Variants in ELOVL7 observed in about 807,000 individuals in gnomAD.
The protein encoded by ELOVL7 is very long chain fatty acid elongase 7.
ELOVL7 carries 27 observed loss-of-function variants against 35.7 expected under a neutral mutation model. That is an observed-to-expected ratio of 0.76 (90% CI 0.56 to 1.04). The LOEUF is 1.04. Ranked by LOEUF, ELOVL7 falls within the 50% of genes least tolerant of loss-of-function variation. ELOVL7 has a pLI of 0.00. For missense variants in ELOVL7, 327 were observed against 340.8 expected (o/e 0.96, Z 0.32); for synonymous variants, 113 against 114.6 (o/e 0.99, Z 0.09).
At position 60,764,343 on chromosome 5, in the gene ELOVL7, T is replaced by A; in HGVS notation, c.394-11A>T. The A allele has an allele frequency of 6.3e-7, 1 of 1,580,982 alleles. No individual in the cohort carries two copies. The highest frequency in any genetic ancestry group is 8.7e-7 in the Non-Finnish European group (1 of 1,150,668). On this transcript the variant is annotated splice_polypyrimidine_tract_variant and intron_variant, in intron 6 of 8. Coordinates refer to ENST00000508821, the MANE Select transcript of ELOVL7 (RefSeq NM_024930.3). Reference sequence around the variant, plus strand: ...CAGAACAAAAAAGATCTGAAATAATTTAAAGAATATCAAGTTCACAGAAAA... The same window carrying A: ...CAGAACAAAAAAGATCTGAAATAATATAAAGAATATCAAGTTCACAGAAAA...
chr5:60,757,785 T>C lies in ELOVL7; in HGVS notation c.500-140A>G, dbSNP rs573680843. ...AAATATCAATCCTGTTAAACAACTA[T>C]CAAATTAGAGGGGGCTGGATAGTAT... On this transcript the variant is annotated intron_variant, in intron 7 of 8. Transcript: ENST00000508821. The C allele has an allele frequency of 1.3e-4, 86 of 657,918 alleles. 3 individuals carry two copies. The South Asian group carries it at 2.9e-3, about 23-fold the overall frequency. The allele number at this position is 657,918 out of a possible 1,614,324, so 40.8% of individuals were successfully genotyped here.
chr5:60,802,145 A>G (rs1442594359), intron 1 of ELOVL7, among the ~76,000 whole-genome samples: 2 of 133,480 alleles, frequency 1.5e-5, no homozygotes, highest in African/African-American at 5.8e-5. Flanking sequence ...CATATATCCT[A>G]TTGGTTCTGT....
chr5:60,753,389 T>C lies in ELOVL7; in HGVS notation c.*1235A>G, dbSNP rs1265554786. 4 of 152,176 alleles carry C rather than the reference T, an allele frequency of 2.6e-5. No homozygotes were observed. The highest frequency in any genetic ancestry group is 4.4e-5 in the Non-Finnish European group (3 of 68,024). 9.4% of individuals were successfully genotyped at this position (152,176 alleles called of 1,614,324 possible). On this transcript the variant is annotated 3_prime_UTR_variant, in exon 9 of 9. Coordinates refer to ENST00000508821, the MANE Select transcript of ELOVL7 (RefSeq NM_024930.3). ...AATTTCAGTCCTTCATTACATGGTT[T>C]ATAGGTCTGGAAACAGAAATCCAGG...
At chr5:60,786,986 CT>C (rs1181314026) in intron 3 of ELOVL7, among the ~76,000 whole-genome samples, 1 of 151,728 alleles carries the variant, frequency 6.6e-6, no homozygotes, top group Non-Finnish European at 1.5e-5. Context: ...TTGGCATTAA[CT>C]GTAATTTCCC....
At chr5:60,843,101 C>A (rs1268241891) in intron 1 of ELOVL7, among the ~76,000 whole-genome samples, 1 of 151,982 alleles carries the variant, frequency 6.6e-6, no homozygotes, top group Non-Finnish European at 1.5e-5. Flanking sequence ...AAAGGGTAAT[C>A]CGAGAGCACA....
chr5:60,800,427 C>T (rs1744536593), intron 1 of ELOVL7, among the ~76,000 whole-genome samples: 1 of 152,120 alleles, frequency 6.6e-6, no homozygotes, highest in Admixed American at 6.5e-5. Flanking sequence ...TGACAAAATT[C>T]AGCATCCTTT....
chr5:60,840,419 T>A (rs2112416309), intron 1 of ELOVL7, among the ~76,000 whole-genome samples: 1 of 152,252 alleles, frequency 6.6e-6, no homozygotes, highest in Non-Finnish European at 1.5e-5. Context: ...ATATCAGAGA[T>A]TGCTGCTGTC....
rs187751463 is a variant in ELOVL7, at chr5:60,798,550, T to C, written c.-35+630A>G. Among the ~76,000 whole-genome samples the C allele has an allele frequency of 7.2e-5, 11 of 152,054 alleles. No individual in the cohort carries two copies. The East Asian group carries it at 1.5e-3, about 21-fold the overall frequency. ...AAAGTTTGAAATAAAAATAAAGCTGTAAAAAAAATTATTTTCTTATATCAG... is the reference window on the plus strand; with the variant it reads ...AAAGTTTGAAATAAAAATAAAGCTGCAAAAAAAATTATTTTCTTATATCAG... On this transcript the variant is annotated intron_variant, in intron 2 of 8. Transcript: ENST00000508821.
At chr5:60,812,617 T>C (rs1205048272) in intron 1 of ELOVL7, among the ~76,000 whole-genome samples, 1 of 152,238 alleles carries the variant, frequency 6.6e-6, no homozygotes, top group Non-Finnish European at 1.5e-5. Context: ...GTATTCCTCA[T>C]GGAAGGTGTG....
chr5:60,817,707 T>TATATATACACACACC (rs1745604253), intron 1 of ELOVL7, among the ~76,000 whole-genome samples: 1 of 146,848 alleles, frequency 6.8e-6, no homozygotes, highest in Non-Finnish European at 1.5e-5. Context: ...ACACACACCA[T>TATATATACACACACC]ATATATACAC....
At chr5:60,776,086 G>C (rs1742885497) in intron 3 of ELOVL7, among the ~76,000 whole-genome samples, 1 of 152,014 alleles carries the variant, frequency 6.6e-6, no homozygotes, top group Non-Finnish European at 1.5e-5. Context: ...CATCCAACAG[G>C]ACTAATATCC....
At position 60,770,170 on chromosome 5, in the gene ELOVL7, A is replaced by T. The variant is rs146402115; in HGVS notation, c.255+1733T>A. Among the ~76,000 whole-genome samples the T allele has an allele frequency of 2.6e-5, 4 of 152,332 alleles. No homozygotes were observed. In the East Asian group the frequency reaches 5.8e-4, roughly 22 times the overall value. On this transcript the variant is annotated intron_variant, in intron 4 of 8. Coordinates refer to ENST00000508821, the MANE Select transcript of ELOVL7 (RefSeq NM_024930.3). ...TATTAGCAGTAAATGAGAGTCAGAA[A>T]CTCTCAAATTCAGATATTTTAAAAT...
chr5:60,836,356 T>A (rs1746798749), intron 1 of ELOVL7, among the ~76,000 whole-genome samples: 1 of 152,024 alleles, frequency 6.6e-6, no homozygotes, highest in Admixed American at 6.5e-5. Flanking sequence ...TTCTATCTTC[T>A]TTCTTTCTTC....
rs143932743 is a variant in ELOVL7, at chr5:60,772,157, C to T, written c.65-64G>A. 3.8e-5 allele frequency: 42 copies of T among 1,091,484 alleles called. No individual in the cohort carries two copies. The African/African-American group carries it at 6.3e-4, about 16-fold the overall frequency. The allele number at this position is 1,091,484 out of a possible 1,614,324, so 67.6% of individuals were successfully genotyped here. ...CCAAGGGGTAACTAACAGCAACCAA[C>T]ATTTCTTTAACTGAGCACCCAGATC... On this transcript the variant is annotated intron_variant, in intron 3 of 8. Coordinates refer to ENST00000508821, the MANE Select transcript of ELOVL7 (RefSeq NM_024930.3).
intron 1 of ELOVL7, among the ~76,000 whole-genome samples, chr5:60,835,484 TC>T (rs1286007038): frequency 6.6e-6 from 1 of 151,952 alleles, no homozygotes; most frequent in Non-Finnish European, 1.5e-5. Flanking sequence ...CAATCACAGC[TC>T]ACTACAGCCT....
Position 60,752,955 on chromosome 5 carries a change from T to A in ELOVL7, c.*1669A>T, listed in dbSNP as rs909973723. On this transcript the variant is annotated 3_prime_UTR_variant, in exon 9 of 9. Coordinates refer to ENST00000508821, the MANE Select transcript of ELOVL7 (RefSeq NM_024930.3). ...TAAAACTCTGCTTCAGAAAAAAAAATAATAAATTATATATATATATGTAAT... is the reference window on the plus strand; with the variant it reads ...TAAAACTCTGCTTCAGAAAAAAAAAAAATAAATTATATATATATATGTAAT... 3.1e-4 allele frequency: 47 copies of A among 150,880 alleles called. No homozygotes were observed. The highest frequency in any genetic ancestry group is 1.0e-3 in the African/African-American group (41 of 40,810). 9.3% of individuals were successfully genotyped at this position (150,880 alleles called of 1,614,324 possible).
chr5:60,753,758 T>C lies in ELOVL7; in HGVS notation c.*866A>G, dbSNP rs1746418978. 1 of 152,242 alleles carries C rather than the reference T, an allele frequency of 6.6e-6. No individual in the cohort carries two copies. Among genetic ancestry groups the C allele is most frequent in the East Asian group, 1.9e-4 (1 of 5,206 alleles). 9.4% of individuals were successfully genotyped at this position (152,242 alleles called of 1,614,324 possible). ...AAACCATGACAATGTAAGAAAGTGA[T>C]GTGATACTATAACAGACAACAGGTT... On this transcript the variant is annotated 3_prime_UTR_variant, in exon 9 of 9. Transcript: ENST00000508821.
intron 1 of ELOVL7, among the ~76,000 whole-genome samples, chr5:60,832,975 C>A (rs1746575603): frequency 6.6e-6 from 1 of 152,158 alleles, no homozygotes; most frequent in Non-Finnish European, 1.5e-5. Context: ...CACAGCATTG[C>A]ATTGACTTGA....
At chr5:60,779,816 T>C (rs371281136) in intron 3 of ELOVL7, among the ~76,000 whole-genome samples, 2 of 152,222 alleles carry the variant, frequency 1.3e-5, no homozygotes, top group African/African-American at 2.4e-5. Context: ...TATCGCATCA[T>C]CAGGCTGCAA....
Sources: gnomAD v4.1 joint callset for allele counts (sites outside exome capture counted in the v4.1 genomes callset) on GRCh38, gnomAD v4.1.1 for gene constraint, MANE v1.5 for transcripts, NCBI Gene and HGNC (gene_info 2026-07-23, HGNC 2026-07-21) for gene names.